The following MFN2 variants were observed in gnomAD, a reference collection of about 807,000 sequenced individuals.
MFN2 encodes the protein mitofusin 2.
In MFN2, 43 loss-of-function variants were observed where a neutral mutation model predicts 87.5. That is an observed-to-expected ratio of 0.49 (90% CI 0.38 to 0.63). The LOEUF is 0.63. MFN2 is among the 30% of genes least tolerant of loss of function. The pLI is 0.00. For synonymous variants in MFN2, 337 were observed against 359.9 expected, an observed-to-expected ratio of 0.94 and a Z score of 0.72; for missense variants, 743 against 972.8, an observed-to-expected ratio of 0.76 and a Z score of 3.14.
At chr1:12,010,367 T>C (rs1230351963) in intron 18 of MFN2, among the ~76,000 whole-genome samples, 1 of 152,220 alleles carries the variant, frequency 6.6e-6, no homozygotes, top group East Asian at 1.9e-4. Context: ...GTCTTCCCTA[T>C]TTCTCCATTT....
intron 3 of MFN2, 137 bp downstream of exon 3, chr1:11,989,480 A>T: frequency 1.0e-6 from 1 of 993,698 alleles, no homozygotes; most frequent in Non-Finnish European, 1.5e-6. Context: ...CTGCTCTTGA[A>T]ATCATGTGGA....
chr1:11,988,304 C>A (rs1269202233), intron 2 of MFN2, among the ~76,000 whole-genome samples: 1 of 151,658 alleles, frequency 6.6e-6, no homozygotes, highest in African/African-American at 2.4e-5. Context: ...GGGGTTTCAT[C>A]ATGTTGGCCA....
Position 12,011,840 on chromosome 1 carries a change from C to T in MFN2, c.*275C>T. 1.8e-6 allele frequency: 1 copy of T among 541,468 alleles called. No individual in the cohort carries two copies. Among genetic ancestry groups the T allele is most frequent in the Non-Finnish European group, 3.3e-6 (1 of 300,336 alleles). 33.5% of individuals were successfully genotyped at this position (541,468 alleles called of 1,614,324 possible). On this transcript the variant is annotated 3_prime_UTR_variant, in exon 19 of 19. Transcript: ENST00000235329. ...CAAGGAGTTAAGTTGAGGCTTTTTC[C>T]AGCTTTCTCTGGTTCATTTGATTGC...
At chr1:11,995,067 C>T (rs1638851078) in intron 4 of MFN2, among the ~76,000 whole-genome samples, 3 of 151,814 alleles carry the variant, frequency 2.0e-5, no homozygotes, top group Non-Finnish European at 4.4e-5. Flanking sequence ...CATGGCAAGA[C>T]CCCATCTCTA....
chr1:11,988,658 C>T (rs1638537722), intron 2 of MFN2, among the ~76,000 whole-genome samples: 1 of 152,036 alleles, frequency 6.6e-6, no homozygotes. Context: ...ACCTCAGACT[C>T]CCAAGTAGCT....
Position 11,999,055 on chromosome 1 carries a change from G to T in MFN2, c.776G>T (p.Arg259Leu), listed in dbSNP as rs755065651. The T allele has an allele frequency of 6.2e-7, 1 of 1,614,162 alleles. No homozygotes were observed. The highest frequency in any genetic ancestry group is 1.1e-5 in the South Asian group (1 of 91,086). ...SRPNIFILNN[R>L]WDASASEPEY... is the part of the protein sequence containing the mutation. ...CCAAACATCTTCATCCTGAACAACC[G>T]CTGGGATGCATCTGCCTCAGAGCCC... Residue 259 changes from arginine to leucine, a missense_variant, in exon 8 of 19, where the codon CGC becomes CTC. Physicochemically the swap from Arg to Leu is moderately radical, Grantham distance 102. This residue lies in a region of MFN2 where 571 missense variants were observed against 670.7 expected (regional missense o/e 0.85). Coordinates refer to ENST00000235329, the MANE Select transcript of MFN2 (RefSeq NM_014874.4).
At chr1:11,988,510 A>G (rs1191222868) in intron 2 of MFN2, among the ~76,000 whole-genome samples, 1 of 150,116 alleles carries the variant, frequency 6.7e-6, no homozygotes, top group Non-Finnish European at 1.5e-5. Context: ...AAGTGCTGGG[A>G]TTATAGGTAT....
chr1:12,006,323 G>A (rs1011339337), intron 15 of MFN2, among the ~76,000 whole-genome samples: 3 of 152,196 alleles, frequency 2.0e-5, no homozygotes, highest in African/African-American at 7.2e-5. Context: ...GCTGCCAGGC[G>A]GGTCAGGATG....
chr1:11,991,986 C>T (rs917902186), intron 3 of MFN2, among the ~76,000 whole-genome samples: 1 of 144,596 alleles, frequency 6.9e-6, no homozygotes, highest in African/African-American at 2.5e-5. Context: ...GCCTGGACTC[C>T]AGAGCCAGGC....
At chr1:12,000,137 A>C (rs1219112284) in intron 8 of MFN2, among the ~76,000 whole-genome samples, 1 of 152,036 alleles carries the variant, frequency 6.6e-6, no homozygotes, top group Non-Finnish European at 1.5e-5. Flanking sequence ...TAAGATTGAT[A>C]ATATGGCAAT....
chr1:12,006,408 C>T, intron 15 of MFN2, 130 bp from the exon 16 acceptor site: 1 of 1,220,114 alleles, frequency 8.2e-7, no homozygotes, highest in South Asian at 1.3e-5. Context: ...GCTAGTTGTC[C>T]CCTTTTTGCC....
In MFN2 at chr1:11,993,418, CA is replaced by C. The variant is rs371031427; in HGVS notation, c.311+737del. On this transcript the variant is annotated intron_variant, in intron 4 of 18. Coordinates refer to ENST00000235329, the MANE Select transcript of MFN2 (RefSeq NM_014874.4). ...CAGTGCATGCATGTTAGGCAAGCAT[CA>C]AAAAAAAATCACAAAAGCAAAGAAT... Among the ~76,000 whole-genome samples, 8 of 150,958 alleles carry C rather than the reference CA, an allele frequency of 5.3e-5. No homozygotes were observed. In the East Asian group the frequency reaches 1.2e-3, roughly 22 times the overall value.
intron 5 of MFN2, among the ~76,000 whole-genome samples, chr1:11,996,995 G>A (rs1194048740): frequency 2.1e-5 from 3 of 145,212 alleles, no homozygotes; most frequent in East Asian, 4.1e-4. Flanking sequence ...CTGAGATCAC[G>A]CCACTGTACT....
At position 12,006,538 on chromosome 1, in the gene MFN2, G is replaced by C; in HGVS notation, c.1717G>C (p.Val573Leu). 3 of 1,614,030 alleles carry C rather than the reference G, an allele frequency of 1.9e-6. No homozygotes were observed. Among genetic ancestry groups the C allele is most frequent in the Non-Finnish European group, 2.5e-6 (3 of 1,180,034 alleles). ...RRALMGYNDQ[V>L]QRPIPLTPAN... is the part of the protein sequence containing the mutation. ...ACCCCTCTCATGTTTCTCTCCTCAG[G>C]TCCAGCGTCCCATCCCTCTGACGCC... The change falls in exon 16 of 19, where the codon GTC becomes CTC. Residue 573 changes from valine (V) to leucine (L), a missense_variant and splice_region_variant. Physicochemically the swap from Val to Leu is conservative, Grantham distance 32. Coordinates refer to ENST00000235329, the MANE Select transcript of MFN2 (RefSeq NM_014874.4).
In MFN2 at chr1:11,999,152, C is replaced by T; in HGVS notation, c.816+57C>T. On this transcript the variant is annotated intron_variant, in intron 8 of 18. Transcript: ENST00000235329. ...GCAACCCCGAGGGAGCACTGCCTGC[C>T]ACTGGGGCCACTTCCTGCACCCCTG... 4 of 1,371,790 alleles carry T rather than the reference C, an allele frequency of 2.9e-6. No individual in the cohort carries two copies. In the African/African-American group the frequency reaches 4.3e-5, roughly 15 times the overall value. The allele number at this position is 1,371,790 out of a possible 1,614,324, so 85.0% of individuals were successfully genotyped here.
chr1:12,009,772 C>G, intron 18 of MFN2, 46 bp downstream of exon 18: 3 of 1,613,230 alleles, frequency 1.9e-6, no homozygotes, highest in Non-Finnish European at 2.5e-6. Flanking sequence ...CAGGGTGCAG[C>G]CCAGGCACAC....
rs191834401 is a variant in MFN2 at position 11,986,653 on chromosome 1, C to T, written c.-4-2512C>T. 2.1e-3 allele frequency among the ~76,000 whole-genome samples: 316 copies of T among 149,574 alleles called. 1 individual carries two copies. The highest frequency in any genetic ancestry group is 3.9e-3 in the Non-Finnish European group (266 of 67,634). ...TTGCTCAGGCTGGAGTGCAATGGCG[C>T]GATCTTAGCTCACTGCAACTTCCAG... is the stretch of plus-strand genomic sequence containing the variant. On this transcript the variant is annotated intron_variant, in intron 2 of 18. Transcript: ENST00000235329.
intron 18 of MFN2, among the ~76,000 whole-genome samples, chr1:12,010,272 C>T (rs1191800166): frequency 6.6e-6 from 1 of 152,230 alleles, no homozygotes; most frequent in Non-Finnish European, 1.5e-5. Context: ...GGCATGATGG[C>T]ATCACAGTAC....
chr1:12,010,981 C>G (rs971996879), intron 18 of MFN2, among the ~76,000 whole-genome samples: 1 of 152,274 alleles, frequency 6.6e-6, no homozygotes, highest in East Asian at 1.9e-4. Context: ...CAGCTCCAAC[C>G]CTCACCGGAT....
Sources: allele counts gnomAD v4.1 joint callset (sites outside exome capture counted in the v4.1 genomes callset), GRCh38; gene constraint gnomAD v4.1.1; regional missense constraint gnomAD v4.1.1; transcripts MANE v1.5; gene names NCBI Gene and HGNC (gene_info 2026-07-23, HGNC 2026-07-21).